The following TNFRSF19 variants were observed in gnomAD, a reference collection of about 807,000 sequenced individuals.
TNFRSF19 encodes TNF receptor superfamily member 19, also known as tumor necrosis factor receptor superfamily member 19.
In TNFRSF19, 27 loss-of-function variants were observed where a neutral mutation model predicts 46.4. That is an observed-to-expected ratio of 0.58 (90% confidence interval 0.43 to 0.80). The LOEUF (loss-of-function observed/expected upper bound fraction) is 0.80. Among genes scored for constraint, TNFRSF19 ranks in the 30% least tolerant of loss-of-function variants. TNFRSF19 has a pLI of 0.00. For synonymous variants in TNFRSF19, 204 were observed against 205.0 expected (o/e 1.00, Z 0.04); for missense variants, 511 against 530.8 (o/e 0.96, Z 0.37).
intron 5 of TNFRSF19, among the ~76,000 whole-genome samples, chr13:23,642,712 C>A (rs569932979): frequency 6.6e-6 from 1 of 152,188 alleles, no homozygotes; most frequent in African/African-American, 2.4e-5. Flanking sequence ...CTATCTAAAT[C>A]CTTTTAGAAA....
intron 1 of TNFRSF19, among the ~76,000 whole-genome samples, chr13:23,588,002 C>T (rs760238685): frequency 5.9e-5 from 9 of 152,180 alleles, no homozygotes; most frequent in Non-Finnish European, 1.2e-4. Flanking sequence ...AGGACTGTCA[C>T]ATCCTAATGG....
In TNFRSF19 at chr13:23,621,584, G is replaced by A. The variant is rs200338096; in HGVS notation, c.360-5123G>A. Among the ~76,000 whole-genome samples the A allele has an allele frequency of 4.6e-5, 7 of 152,342 alleles. No individual in the cohort carries two copies. The East Asian group carries it at 1.4e-3, about 29-fold the overall frequency. ...ATCTCCTTGCAGAAATGCACTCACT[G>A]ATTGAAGAATTAGCAGTCTACAGCC... On this transcript the variant is annotated intron_variant, in intron 4 of 9. Transcript: ENST00000248484.
intron 5 of TNFRSF19, among the ~76,000 whole-genome samples, chr13:23,658,698 A>G (rs942378980): frequency 6.6e-6 from 1 of 152,218 alleles, no homozygotes; most frequent in African/African-American, 2.4e-5. Flanking sequence ...TCCCTGCCAC[A>G]TGCCAAGTAC....
At chr13:23,631,822 C>G (rs1016576833) in intron 5 of TNFRSF19, among the ~76,000 whole-genome samples, 1 of 152,182 alleles carries the variant, frequency 6.6e-6, no homozygotes, top group Non-Finnish European at 1.5e-5. Flanking sequence ...CAGCTCTTTC[C>G]TGGGTATTTC....
At chr13:23,598,810 ATGTAT>A (rs1321097843) in intron 3 of TNFRSF19, among the ~76,000 whole-genome samples, 1 of 152,216 alleles carries the variant, frequency 6.6e-6, no homozygotes, top group South Asian at 2.1e-4. Context: ...TGGAGAAGTG[ATGTAT>A]TGTTTTGTTT....
intron 5 of TNFRSF19, among the ~76,000 whole-genome samples, chr13:23,655,643 C>A (rs546619813): frequency 6.6e-6 from 1 of 151,958 alleles, no homozygotes; most frequent in East Asian, 1.9e-4. Context: ...TTTCCTTTAG[C>A]GTAGATAAGT....
Position 23,590,264 on chromosome 13 carries a change from C to T in TNFRSF19, c.69+12C>T. 1 of 1,531,226 alleles carries T rather than the reference C, an allele frequency of 6.5e-7. No homozygotes were observed. The highest frequency in any genetic ancestry group is 8.9e-7 in the Non-Finnish European group (1 of 1,123,640). The allele number at this position is 1,531,226 out of a possible 1,614,324, so 94.9% of individuals were successfully genotyped here. A position where few individuals can be genotyped will look rare whatever the true frequency, so the allele number is the denominator to read the frequency against. On this transcript the variant is annotated intron_variant, in intron 2 of 9. Transcript: ENST00000248484. ...TACTAGGCTATTTGGTAAGTAAAGT[C>T]CTTTTTTCTTTCATAAGAATGTGGT...
At chr13:23,597,442 A>G (rs865831084) in intron 3 of TNFRSF19, among the ~76,000 whole-genome samples, 1 of 152,218 alleles carries the variant, frequency 6.6e-6, no homozygotes, top group Non-Finnish European at 1.5e-5. Flanking sequence ...AGAAATACAA[A>G]CTACCATCAG....
intron 5 of TNFRSF19, among the ~76,000 whole-genome samples, chr13:23,647,333 G>A (rs999197366): frequency 6.6e-6 from 1 of 151,986 alleles, no homozygotes; most frequent in Non-Finnish European, 1.5e-5. Flanking sequence ...TGCTTTTGTT[G>A]TATATTTAAG....
Position 23,615,967 on chromosome 13 carries a change from A to T in TNFRSF19, c.281A>T (p.Asp94Val), listed in dbSNP as rs774697854. Residue 94 changes from aspartate (D) to valine (V), a missense_variant, in exon 4 of 10, where the codon GAC (aspartate) becomes GTC (valine). Physicochemically the swap from Asp to Val is radical, Grantham distance 152. Coordinates refer to ENST00000248484, the MANE Select transcript of TNFRSF19 (RefSeq NM_148957.4). ...TTCCAGAAATGCAAGCCCTGTCTGGACTGCGCAGTGGTGAACCGCTTTCAG... is the reference window on the plus strand; with the variant it reads ...TTCCAGAAATGCAAGCCCTGTCTGGTCTGCGCAGTGGTGAACCGCTTTCAG... ...WGFQKCKPCL[D>V]CAVVNRFQKA... 3 of 1,614,018 alleles carry T rather than the reference A, an allele frequency of 1.9e-6. No homozygotes were observed. The highest frequency in any genetic ancestry group is 2.2e-5 in the East Asian group (1 of 44,884).
Position 23,590,203 on chromosome 13 carries a change from T to C in TNFRSF19, c.20T>C (p.Leu7Pro), listed in dbSNP as rs1879163060. 2 of 1,597,816 alleles carry C rather than the reference T, an allele frequency of 1.3e-6. No individual in the cohort carries two copies. The highest frequency in any genetic ancestry group is 1.3e-5 in the African/African-American group (1 of 74,130). MALKVL[L>P]EQEKTFFTLL... ...AGAAAGATGGCTTTAAAAGTGCTACTAGAACAAGAGAAAACGTTTTTCACT... is the reference window on the plus strand; with the variant it reads ...AGAAAGATGGCTTTAAAAGTGCTACCAGAACAAGAGAAAACGTTTTTCACT... The change falls in exon 2 of 10, where the codon CTA becomes CCA. Residue 7 changes from leucine (L) to proline (P), a missense_variant. Leu to Pro is a moderately conservative substitution (Grantham distance 98). This residue lies in a region of TNFRSF19 where 121 missense variants were observed against 124.1 expected (regional missense o/e 0.98). Coordinates refer to ENST00000248484, the MANE Select transcript of TNFRSF19 (RefSeq NM_148957.4).
chr13:23,599,946 A>T (rs903844252), intron 3 of TNFRSF19, among the ~76,000 whole-genome samples: 1 of 152,150 alleles, frequency 6.6e-6, no homozygotes, highest in Non-Finnish European at 1.5e-5. Context: ...TCGTTTAAAG[A>T]TGATGACATT....
intron 1 of TNFRSF19, among the ~76,000 whole-genome samples, chr13:23,581,752 A>G (rs1298310543): frequency 6.6e-6 from 1 of 152,114 alleles, no homozygotes; most frequent in Non-Finnish European, 1.5e-5. Context: ...TTTTTCACCT[A>G]TTGCAATCTC....
intron 4 of TNFRSF19, among the ~76,000 whole-genome samples, chr13:23,617,956 G>C (rs1362817894): frequency 6.6e-6 from 1 of 152,120 alleles, no homozygotes. Flanking sequence ...CAGATGTCCC[G>C]GGGGTGGGGT....
At chr13:23,614,975 T>C (rs565619272) in intron 3 of TNFRSF19, among the ~76,000 whole-genome samples, 32 of 152,218 alleles carry the variant, frequency 2.1e-4, no homozygotes, top group African/African-American at 7.7e-4. Context: ...GAGATAATGG[T>C]GTAAAGTTCT....
chr13:23,610,441 A>G (rs969713385), intron 3 of TNFRSF19, among the ~76,000 whole-genome samples: 12 of 152,234 alleles, frequency 7.9e-5, no homozygotes, highest in Admixed American at 7.9e-4. Flanking sequence ...GCCCAGCTGA[A>G]CCCAGCCCTC....
At chr13:23,629,386 C>T (rs67530445) in intron 5 of TNFRSF19, among the ~76,000 whole-genome samples, 19,190 of 152,108 alleles carry the variant, frequency 0.13, 1,634 homozygotes, top group Non-Finnish European at 0.19. Flanking sequence ...TCTGGGTCTG[C>T]GGGGCTGTCT....
At chr13:23,664,305 C>T (rs999022221) in intron 7 of TNFRSF19, among the ~76,000 whole-genome samples, 2 of 152,102 alleles carry the variant, frequency 1.3e-5, no homozygotes, top group South Asian at 4.1e-4. Context: ...AATTGCATGG[C>T]TTTGAGTGAT....
At chr13:23,644,366 A>G (rs7994696) in intron 5 of TNFRSF19, among the ~76,000 whole-genome samples, 1 of 152,162 alleles carries the variant, frequency 6.6e-6, no homozygotes, top group South Asian at 2.1e-4. Context: ...TTCTCATGAT[A>G]TAGTAAGTTA....
Sources: allele counts gnomAD v4.1 joint callset (sites outside exome capture counted in the v4.1 genomes callset), GRCh38; gene constraint gnomAD v4.1.1; regional missense constraint gnomAD v4.1.1; transcripts MANE v1.5; gene names NCBI Gene and HGNC (gene_info 2026-07-23, HGNC 2026-07-21).